Variants in CREB5 observed in about 807,000 individuals in gnomAD.
CREB5 encodes cyclic AMP-responsive element-binding protein 5.
A neutral mutation model predicts 57.1 loss-of-function variants in CREB5; 19 were observed. That is an observed-to-expected ratio of 0.33 (90% CI 0.23 to 0.49). CREB5 has a LOEUF of 0.49. Ranked by LOEUF, CREB5 falls within the 20% of genes least tolerant of loss-of-function variation. The probability of loss-of-function intolerance (pLI) is 0.99; values close to 1 mark genes in which losing one functional copy is unlikely to be tolerated. For synonymous variants in CREB5, 238 were observed against 238.3 expected (o/e 1.00, Z 0.01); for missense variants, 579 against 671.6 (o/e 0.86, Z 1.52).
intron 1 of CREB5, among the ~76,000 whole-genome samples, chr7:28,340,296 A>G (rs1256861570): frequency 6.6e-6 from 1 of 152,238 alleles, no homozygotes; most frequent in Non-Finnish European, 1.5e-5. Context: ...GCTCACAGCA[A>G]GTACTGCCTG....
At chr7:28,387,173 A>C (rs867402279) in intron 1 of CREB5, among the ~76,000 whole-genome samples, 3 of 152,194 alleles carry the variant, frequency 2.0e-5, no homozygotes, top group Non-Finnish European at 2.9e-5. Context: ...ACAATGGTTG[A>C]ACTAATATAC....
At chr7:28,788,157 G>C (rs1355274765) in intron 7 of CREB5, among the ~76,000 whole-genome samples, 1 of 152,120 alleles carries the variant, frequency 6.6e-6, no homozygotes, top group Non-Finnish European at 1.5e-5. Context: ...ATTATTTGCT[G>C]TGGGGCGAGG....
intron 7 of CREB5, among the ~76,000 whole-genome samples, chr7:28,743,782 C>T (rs1371834317): frequency 2.0e-5 from 3 of 151,060 alleles, no homozygotes; most frequent in Non-Finnish European, 4.4e-5. Flanking sequence ...CCAACTTCCC[C>T]CTGTGTCCTT....
In CREB5 at chr7:28,647,191, C is replaced by T. The variant is rs116546872; in HGVS notation, c.465-71562C>T. Among the ~76,000 whole-genome samples the T allele has an allele frequency of 7.7e-3, 1,167 of 151,258 alleles. 12 individuals are homozygous for T. The highest frequency in any genetic ancestry group is 0.023 in the African/African-American group (940 of 41,372). ...GTGATGGTGGCCAGTGGCCAGACAC[C>T]AGGGCTTGCCAGCACTGGCCACTGG... On this transcript the variant is annotated intron_variant, in intron 5 of 10. Coordinates refer to ENST00000357727, the MANE Select transcript of CREB5 (RefSeq NM_182898.4).
At chr7:28,581,720 G>A (rs1035866362) in intron 5 of CREB5, among the ~76,000 whole-genome samples, 28 of 152,292 alleles carry the variant, frequency 1.8e-4, no homozygotes, top group African/African-American at 6.7e-4. Flanking sequence ...AGTTAGCTTT[G>A]TCTCCACAGG....
rs544477413 is a variant in CREB5 at position 28,514,544 on chromosome 7, G to C, written c.291+6807G>C. Among the ~76,000 whole-genome samples the C allele has an allele frequency of 3.1e-3, 464 of 152,060 alleles. 3 individuals carry two copies. Among genetic ancestry groups the C allele is most frequent in the African/African-American group, 8.8e-3 (363 of 41,462 alleles). ...CAGAGTAGCTGGGACTACAGGCGCC[G>C]GCCACTACTCCTGGCTAATTTTTTG... On this transcript the variant is annotated intron_variant, in intron 4 of 10. Coordinates refer to ENST00000357727, the MANE Select transcript of CREB5 (RefSeq NM_182898.4).
chr7:28,537,029 T>C (rs746171623), intron 4 of CREB5, among the ~76,000 whole-genome samples: 1 of 152,224 alleles, frequency 6.6e-6, no homozygotes, highest in Non-Finnish European at 1.5e-5. Context: ...TGCTGGAAGC[T>C]TAATGCTTAC....
chr7:28,351,898 A>T (rs1048187526), intron 1 of CREB5, among the ~76,000 whole-genome samples: 2 of 152,256 alleles, frequency 1.3e-5, no homozygotes, highest in Non-Finnish European at 2.9e-5. Context: ...GGACAAATGT[A>T]AATTAACATC....
Position 28,819,846 on chromosome 7 carries a change from C to G in CREB5, c.*567C>G, listed in dbSNP as rs557329625. The stretch of plus-strand genomic sequence containing the variant: ...AATAATACCACCAAGCATCTCTTCA[C>G]CTCTCCTCCTCTTGGTCCACTTGCT... On this transcript the variant is annotated 3_prime_UTR_variant, in exon 11 of 11. Coordinates refer to ENST00000357727, the MANE Select transcript of CREB5 (RefSeq NM_182898.4). The G allele has an allele frequency of 6.6e-6, 1 of 151,910 alleles. No homozygotes were observed. Among genetic ancestry groups the G allele is most frequent in the Non-Finnish European group, 1.5e-5 (1 of 68,000 alleles). 9.4% of individuals were successfully genotyped at this position (151,910 alleles called of 1,614,324 possible). A position where few individuals can be genotyped will look rare whatever the true frequency, so the allele number is the denominator to read the frequency against.
At chr7:28,351,736 G>A (rs117560771) in intron 1 of CREB5, among the ~76,000 whole-genome samples, 3,961 of 151,826 alleles carry the variant, frequency 0.026, 102 homozygotes, top group Admixed American at 0.058. Flanking sequence ...AAATTAAGCT[G>A]AATGTACCAT....
chr7:28,815,694 T>G (rs150631732), intron 9 of CREB5, among the ~76,000 whole-genome samples: 11 of 152,210 alleles, frequency 7.2e-5, no homozygotes, highest in African/African-American at 2.2e-4. Flanking sequence ...GCCTGGGAGA[T>G]CGAATGCTGC....
At chr7:28,534,513 T>A (rs1793872953) in intron 4 of CREB5, among the ~76,000 whole-genome samples, 1 of 152,230 alleles carries the variant, frequency 6.6e-6, no homozygotes, top group Admixed American at 6.5e-5. Flanking sequence ...CTCTCAGAGT[T>A]ATTACTGAGC....
chr7:28,454,005 G>C (rs1198099933), intron 1 of CREB5, among the ~76,000 whole-genome samples: 1 of 134,680 alleles, frequency 7.4e-6, no homozygotes, highest in African/African-American at 2.7e-5. Context: ...CCAGGCTGGA[G>C]TGCAGTGGCA....
intron 9 of CREB5, among the ~76,000 whole-genome samples, chr7:28,809,895 G>A (rs1273439142): frequency 6.6e-6 from 1 of 152,160 alleles, no homozygotes; most frequent in Non-Finnish European, 1.5e-5. Context: ...TATTCACTAG[G>A]TTGAGGGGGT....
chr7:28,759,055 G>C (rs1340642116), intron 7 of CREB5, among the ~76,000 whole-genome samples: 6 of 152,144 alleles, frequency 3.9e-5, no homozygotes, highest in African/African-American at 1.4e-4. Context: ...GAAACACTTT[G>C]GTAGAAACCC....
intron 5 of CREB5, among the ~76,000 whole-genome samples, chr7:28,652,599 T>A (rs41329): frequency 7.9e-5 from 12 of 152,180 alleles, no homozygotes; most frequent in East Asian, 5.8e-4. Flanking sequence ...TAGTTTCTCC[T>A]TCTATAAAAT....
At chr7:28,306,568 T>TTTTTTTTGTTTG (rs1785191186) in intron 1 of CREB5, among the ~76,000 whole-genome samples, 1 of 132,714 alleles carries the variant, frequency 7.5e-6, no homozygotes, top group Non-Finnish European at 1.6e-5. Flanking sequence ...TTTTTTTTTT[T>TTTTTTTTGTTTG]TTTTTTTTTT....
intron 7 of CREB5, among the ~76,000 whole-genome samples, chr7:28,797,970 A>AAT (rs397715778): frequency 6.6e-6 from 1 of 151,308 alleles, no homozygotes; most frequent in Non-Finnish European, 1.5e-5. Flanking sequence ...GAAAAAAAAA[A>AAT]GGAGAAATTA....
chr7:28,644,167 GAGAA>G (rs1342229355), intron 5 of CREB5, among the ~76,000 whole-genome samples: 6 of 151,774 alleles, frequency 4.0e-5, no homozygotes, highest in African/African-American at 1.2e-4. Context: ...AAGAAAGAAA[GAGAA>G]AGAAAGAAAA....
Sources: allele counts gnomAD v4.1 joint callset (sites outside exome capture counted in the v4.1 genomes callset), GRCh38; gene constraint gnomAD v4.1.1; transcripts MANE v1.5; gene names NCBI Gene and HGNC (gene_info 2026-07-23, HGNC 2026-07-21).